The following LIMK2 variants were observed in gnomAD, a reference collection of about 807,000 sequenced individuals.
The protein encoded by LIMK2 is LIM domain kinase 2.
In LIMK2, 35 loss-of-function variants were observed where a neutral mutation model predicts 75.7. That is an observed-to-expected ratio of 0.46 (90% confidence interval 0.35 to 0.61). LIMK2 has a LOEUF of 0.61. Among genes scored for constraint, LIMK2 ranks in the 20% least tolerant of loss-of-function variants. LIMK2 has a pLI of 0.00. For missense variants in LIMK2, 623 were observed against 831.0 expected (o/e 0.75, Z 3.08); for synonymous variants, 301 against 319.2 (o/e 0.94, Z 0.61).
chr22:31,245,890 G>A (rs761869091), intron 2 of LIMK2, among the ~76,000 whole-genome samples: 49 of 151,882 alleles, frequency 3.2e-4, no homozygotes, highest in Non-Finnish European at 6.2e-4. Flanking sequence ...AAATAAGCCA[G>A]GGCCGGGCGC....
At chr22:31,224,083 C>T (rs1344924411) in intron 1 of LIMK2, among the ~76,000 whole-genome samples, 1 of 152,172 alleles carries the variant, frequency 6.6e-6, no homozygotes, top group East Asian at 1.9e-4. Flanking sequence ...AACAAAGCTG[C>T]ATACACAGAG....
chr22:31,269,065 T>TGTTTGTTTGTTTG (rs145490583), intron 11 of LIMK2, among the ~76,000 whole-genome samples: 46 of 147,126 alleles, frequency 3.1e-4, no homozygotes, highest in South Asian at 1.3e-3. Flanking sequence ...TTTTTTTGTT[T>TGTTTGTTTGTTTG]TTTTTTCCTG....
Position 31,259,871 on chromosome 22 carries a change from C to A in LIMK2, c.363-18C>A, listed in dbSNP as rs1287199726. The A allele has an allele frequency of 1.3e-6, 2 of 1,595,858 alleles. No homozygotes were observed. Among genetic ancestry groups the A allele is most frequent in the Non-Finnish European group, 1.7e-6 (2 of 1,174,558 alleles). ...GTGGGACTCTAGCATCTTATTCCCC[C>A]CTGTGCCCTCTCCCCAGTGGGAAGT... On this transcript the variant is annotated intron_variant, in intron 4 of 15. Coordinates refer to ENST00000331728, the MANE Select transcript of LIMK2 (RefSeq NM_005569.4).
At chr22:31,258,713 G>A (rs1601430433) in intron 3 of LIMK2, 2 of 432,242 alleles carry the variant, frequency 4.6e-6, no homozygotes, top group Middle Eastern at 6.3e-4. Flanking sequence ...GTTACAGGCT[G>A]AGAGGAGGAT....
In LIMK2 at chr22:31,212,581, G is replaced by T. The variant is rs184065823; in HGVS notation, c.16+157G>T. Among the ~76,000 whole-genome samples the T allele has an allele frequency of 4.3e-4, 65 of 152,114 alleles. No individual in the cohort carries two copies. In the Middle Eastern group the frequency reaches 0.01, roughly 24 times the overall value. On this transcript the variant is annotated intron_variant, in intron 1 of 15. Transcript: ENST00000331728. ...AGCTGGGAGGCGGGGTGGGCACAGC[G>T]CTCCCCAGGCATTTGGAGGGTGGGA... is the stretch of plus-strand genomic sequence containing the variant.
intron 1 of LIMK2, among the ~76,000 whole-genome samples, chr22:31,215,518 G>A (rs1038715134): frequency 2.6e-5 from 4 of 152,170 alleles, no homozygotes; most frequent in African/African-American, 7.2e-5. Flanking sequence ...AAAAAACGGA[G>A]TTGTCCAGGG....
Position 31,267,762 on chromosome 22 carries a change from T to C in LIMK2, c.1129-14T>C, listed in dbSNP as rs754786696. On this transcript the variant is annotated splice_polypyrimidine_tract_variant and intron_variant, in intron 9 of 15. Transcript: ENST00000331728. ...AGTTAACCACCAGCTTTCCTTGGCT[T>C]CCCCCACCCCCAGGTGAAAGTGATG... The C allele has an allele frequency of 6.3e-7, 1 of 1,576,280 alleles. No homozygotes were observed. Among genetic ancestry groups the C allele is most frequent in the Non-Finnish European group, 8.6e-7 (1 of 1,165,514 alleles).
rs1555886279 is a variant in LIMK2 at position 31,246,183 on chromosome 22, G to GCACGCACACACACA, written c.117-12105_117-12104insGCACACACACACAC. Among the ~76,000 whole-genome samples the GCACGCACACACACA allele has an allele frequency of 8.9e-5, 12 of 135,094 alleles. 1 individual carries two copies. Among genetic ancestry groups the GCACGCACACACACA allele is most frequent in the South Asian group, 7.5e-4 (3 of 3,974 alleles). The allele number at this position is 135,094 out of a possible 152,430, so 88.6% of individuals were successfully genotyped here. On this transcript the variant is annotated intron_variant, in intron 2 of 15. Coordinates refer to ENST00000331728, the MANE Select transcript of LIMK2 (RefSeq NM_005569.4). ...GCGAGACTCCGACACACGCACGCAC[G>GCACGCACACACACA]CACACACACACACACACACACACAC...
Position 31,271,890 on chromosome 22 carries a change from A to G in LIMK2, c.1384-640A>G, listed in dbSNP as rs553266391. Among the ~76,000 whole-genome samples the G allele has an allele frequency of 2.0e-5, 3 of 152,264 alleles. No homozygotes were observed. In the East Asian group the frequency reaches 5.8e-4, roughly 29 times the overall value. On this transcript the variant is annotated intron_variant, in intron 12 of 15. Transcript: ENST00000331728. Reference sequence around the variant, plus strand: ...TTTTAGGAATAAGACAGGACAGGGAAAAACAAAAGCAACCCCCTGTCCCAC... The same window carrying G: ...TTTTAGGAATAAGACAGGACAGGGAGAAACAAAAGCAACCCCCTGTCCCAC...
intron 1 of LIMK2, among the ~76,000 whole-genome samples, chr22:31,213,142 G>C (rs2048361673): frequency 6.6e-6 from 1 of 152,086 alleles, no homozygotes; most frequent in South Asian, 2.1e-4. Flanking sequence ...AAGCTCCCTT[G>C]GCCTCTCTAG....
chr22:31,266,912 C>T (rs2048901789), intron 8 of LIMK2, 72 bp from the exon 9 acceptor site: 1 of 1,056,500 alleles, frequency 9.5e-7, no homozygotes, highest in African/African-American at 1.6e-5. Flanking sequence ...TGGCCAGCTG[C>T]ATAGATTTTC....
At chr22:31,268,334 G>T in intron 11 of LIMK2, 134 bp downstream of exon 11, 3 of 767,896 alleles carry the variant, frequency 3.9e-6, no homozygotes, top group South Asian at 2.8e-5. Flanking sequence ...CATTGAGTTT[G>T]TCTGTGTCAC....
chr22:31,269,793 G>C (rs545392242), intron 11 of LIMK2, among the ~76,000 whole-genome samples: 1 of 151,532 alleles, frequency 6.6e-6, no homozygotes, highest in East Asian at 1.9e-4. Flanking sequence ...AAAAAAGAGA[G>C]ACTGATATGG....
rs529919320 is a variant in LIMK2 at position 31,257,040 on chromosome 22, A to ATTTTTTTTTTTTTTTTTT, written c.117-1234_117-1217dup. 1.1e-4 allele frequency among the ~76,000 whole-genome samples: 8 copies of ATTTTTTTTTTTTTTTTTT among 75,078 alleles called. 1 individual carries two copies. The highest frequency in any genetic ancestry group is 2.4e-4 in the Non-Finnish European group (8 of 33,848). 49.3% of individuals were successfully genotyped at this position (75,078 alleles called of 152,430 possible). A position where few individuals can be genotyped will look rare whatever the true frequency, so the allele number is the denominator to read the frequency against. ...TCATTAGGGGAGAAGGGAGCTATAGATTTTTTTTTTTTTTTTTTTTTTTTT... is the reference window on the plus strand; with the variant it reads ...TCATTAGGGGAGAAGGGAGCTATAGATTTTTTTTTTTTTTTTTTTTTTTTTTTTTTTTTTTTTTTTTTT... On this transcript the variant is annotated intron_variant, in intron 2 of 15. Transcript: ENST00000331728.
intron 8 of LIMK2, 100 bp downstream of exon 8, chr22:31,266,232 G>A: frequency 5.0e-6 from 6 of 1,205,868 alleles, no homozygotes; most frequent in Non-Finnish European, 7.1e-6. Flanking sequence ...ACACCATGCA[G>A]GATGCCAGGC....
intron 15 of LIMK2, chr22:31,277,555 T>G: frequency 1.0e-6 from 1 of 998,258 alleles, no homozygotes; most frequent in Non-Finnish European, 1.2e-6. Context: ...GAGGAGAAAT[T>G]GTGAAGCTAC....
intron 10 of LIMK2, 112 bp downstream of exon 10, chr22:31,268,019 AC>A: frequency 6.5e-7 from 1 of 1,542,764 alleles, no homozygotes; most frequent in Non-Finnish European, 8.9e-7. Flanking sequence ...CCTCCAAAGG[AC>A]CATGCTGGGT....
chr22:31,272,563 T>C lies in LIMK2; in HGVS notation c.1417T>C (p.Ser473Pro). 1 of 1,613,686 alleles carries C rather than the reference T, an allele frequency of 6.2e-7. No homozygotes were observed. The highest frequency in any genetic ancestry group is 1.7e-5 in the Admixed American group (1 of 59,920). The change falls in exon 13 of 16, where the codon TCA becomes CCA. Residue 473 changes from serine to proline, a missense_variant. By Grantham distance (74) the Ser-to-Pro change is moderately conservative. Around this residue, in one of 3 missense-constraint regions of LIMK2, gnomAD observed 514 missense variants for 661.3 expected, o/e 0.78. Coordinates refer to ENST00000331728, the MANE Select transcript of LIMK2 (RefSeq NM_005569.4). ...KTVVVADFGL[S>P]RLIVEERKRA... ...TGTGGTGGTGGCAGACTTTGGGCTG[T>C]CACGGCTCATAGTGGAAGAGAGGAA...
At chr22:31,238,718 C>T (rs1048491031) in intron 2 of LIMK2, among the ~76,000 whole-genome samples, 1 of 152,158 alleles carries the variant, frequency 6.6e-6, no homozygotes, top group Non-Finnish European at 1.5e-5. Context: ...TTTTTGCTCA[C>T]CTAACTCCTT....
Sources: gnomAD v4.1 joint callset for allele counts (sites outside exome capture counted in the v4.1 genomes callset) on GRCh38, gnomAD v4.1.1 for gene constraint, gnomAD v4.1.1 regional missense constraint, MANE v1.5 for transcripts, NCBI Gene and HGNC (gene_info 2026-07-23, HGNC 2026-07-21) for gene names.